MCM9: variants seen among roughly 807,000 people sequenced by gnomAD.
The protein encoded by MCM9 is minichromosome maintenance 9 homologous recombination repair factor.
A neutral mutation model predicts 72.8 loss-of-function variants in MCM9; 55 were observed. The observed-to-expected ratio is 0.76, with a 90% CI of 0.61 to 0.95. MCM9 has a LOEUF of 0.95. Among genes scored for constraint, MCM9 ranks in the 40% least tolerant of loss-of-function variants. MCM9 has a pLI of 0.00. For missense variants in MCM9, 1,279 were observed against 1,377.0 expected, an observed-to-expected ratio of 0.93 and a Z score of 1.13; for synonymous variants, 480 against 503.4, an observed-to-expected ratio of 0.95 and a Z score of 0.62.
chr6:118,824,053 T>A (rs1774000530), intron 13 of MCM9, among the ~76,000 whole-genome samples: 1 of 136,644 alleles, frequency 7.3e-6, no homozygotes, highest in Non-Finnish European at 1.6e-5. Flanking sequence ...TTTTTTTTTT[T>A]TTTTTTTTTT....
At chr6:118,933,983 A>AAAAAAAAAAAC in intron 1 of MCM9, among the ~76,000 whole-genome samples, 1 of 150,968 alleles carries the variant, frequency 6.6e-6, no homozygotes, top group African/African-American at 2.5e-5. Flanking sequence ...AAAAAAAAAA[A>AAAAAAAAAAAC]TCTGGACTCC....
At chr6:118,928,427 C>A (rs1314733926) in intron 3 of MCM9, among the ~76,000 whole-genome samples, 1 of 152,006 alleles carries the variant, frequency 6.6e-6, no homozygotes, top group Non-Finnish European at 1.5e-5. Flanking sequence ...ACAAAGAATA[C>A]AGACTCAAGC....
intron 9 of MCM9, among the ~76,000 whole-genome samples, chr6:118,842,708 A>C (rs1188928035): frequency 6.6e-6 from 1 of 152,100 alleles, no homozygotes; most frequent in African/African-American, 2.4e-5. Flanking sequence ...TTTGAAGAAA[A>C]GGGGTCTCAT....
intron 8 of MCM9, chr6:118,911,080 CTT>C (rs1780513254): frequency 1.0e-6 from 1 of 984,604 alleles, no homozygotes. Flanking sequence ...CCCTGGGTCA[CTT>C]TATTTATAAT....
chr6:118,833,848 T>G (rs1395905243), intron 9 of MCM9, among the ~76,000 whole-genome samples: 2 of 152,278 alleles, frequency 1.3e-5, no homozygotes, highest in East Asian at 1.9e-4. Flanking sequence ...AGAGTCCTGG[T>G]GATTGCTTGT....
At chr6:118,853,937 T>C (rs1776392867) in intron 9 of MCM9, among the ~76,000 whole-genome samples, 1 of 152,258 alleles carries the variant, frequency 6.6e-6, no homozygotes, top group Non-Finnish European at 1.5e-5. Flanking sequence ...CTTAATGTTT[T>C]GCAGTTTTTA....
intron 8 of MCM9, among the ~76,000 whole-genome samples, chr6:118,893,187 C>T (rs746089894): frequency 1.3e-5 from 2 of 152,188 alleles, no homozygotes; most frequent in Admixed American, 6.5e-5. Flanking sequence ...GCAGCATAAA[C>T]GAATCAACAT....
rs893291688 is a variant in MCM9 at position 118,934,011 on chromosome 6, G to A, written c.-150+880C>T. ...TGGACTCCCAACAGTGGCTACAAGA[G>A]AATCACTATGATTCTATTAAAGCAT... On this transcript the variant is annotated intron_variant, in intron 1 of 13. Transcript: ENST00000619706. Among the ~76,000 whole-genome samples the A allele has an allele frequency of 2.1e-5, 3 of 143,548 alleles. No homozygotes were observed. In the East Asian group the frequency reaches 6.0e-4, roughly 29 times the overall value. 94.2% of individuals were successfully genotyped at this position (143,548 alleles called of 152,430 possible). A position where few individuals can be genotyped will look rare whatever the true frequency, so the allele number is the denominator to read the frequency against.
chr6:118,874,267 T>C (rs1777798985), intron 8 of MCM9, among the ~76,000 whole-genome samples: 1 of 151,706 alleles, frequency 6.6e-6, no homozygotes, highest in African/African-American at 2.4e-5. Context: ...AAAAATAAAA[T>C]AAAAAATCAA....
rs1030456043 is a variant in MCM9 at position 118,867,493 on chromosome 6, G to A, written c.1151-10948C>T. Among the ~76,000 whole-genome samples the A allele has an allele frequency of 3.9e-5, 6 of 152,212 alleles. No individual in the cohort carries two copies. The East Asian group carries it at 7.7e-4, about 20-fold the overall frequency. On this transcript the variant is annotated intron_variant, in intron 8 of 13. Transcript: ENST00000619706. ...TAATCCAGCGCAACTTCCAGTCCTG[G>A]AAGCTTCATTCACAATAAGTACCCT... is the stretch of plus-strand genomic sequence containing the variant.
At chr6:118,872,318 C>CA (rs36127301) in intron 8 of MCM9, among the ~76,000 whole-genome samples, 135 of 140,062 alleles carry the variant, frequency 9.6e-4, no homozygotes, top group Non-Finnish European at 1.1e-3. Context: ...GACTCCATCT[C>CA]AAAAAAAAAA....
chr6:118,827,661 T>C (rs1266874520), intron 11 of MCM9, among the ~76,000 whole-genome samples: 3 of 151,878 alleles, frequency 2.0e-5, no homozygotes, highest in African/African-American at 7.2e-5. Flanking sequence ...AGTAAGGCTT[T>C]CTAAGTGAAT....
At chr6:118,874,706 A>T (rs1165253553) in intron 8 of MCM9, among the ~76,000 whole-genome samples, 1 of 152,280 alleles carries the variant, frequency 6.6e-6, no homozygotes, top group African/African-American at 2.4e-5. Flanking sequence ...TGAGAAAAAA[A>T]TACTCATGGA....
chr6:118,851,334 T>C (rs554929250), intron 9 of MCM9, among the ~76,000 whole-genome samples: 1 of 151,918 alleles, frequency 6.6e-6, no homozygotes, highest in South Asian at 2.1e-4. Context: ...ATAAGGTAAT[T>C]AGAAAATGTC....
chr6:118,922,728 G>A (rs1285194515), intron 4 of MCM9, among the ~76,000 whole-genome samples: 1 of 152,122 alleles, frequency 6.6e-6, no homozygotes, highest in East Asian at 1.9e-4. Flanking sequence ...CAGAAGAGAA[G>A]CCATGTATTA....
intron 13 of MCM9, among the ~76,000 whole-genome samples, chr6:118,824,027 A>C (rs1246672006): frequency 6.7e-6 from 1 of 148,312 alleles, no homozygotes; most frequent in Non-Finnish European, 1.5e-5. Context: ...ATCAATAAGC[A>C]AACCCACCTT....
At chr6:118,840,958 C>T (rs1050302496) in intron 9 of MCM9, among the ~76,000 whole-genome samples, 1 of 152,126 alleles carries the variant, frequency 6.6e-6, no homozygotes, top group Non-Finnish European at 1.5e-5. Context: ...TGGTCTTGAA[C>T]TCCTAGGCTT....
chr6:118,851,055 A>G (rs981685540), intron 9 of MCM9, among the ~76,000 whole-genome samples: 2 of 151,700 alleles, frequency 1.3e-5, no homozygotes, highest in Non-Finnish European at 2.9e-5. Flanking sequence ...TCCTGGGCTC[A>G]AGGGATCCTC....
chr6:118,823,946 A>G (rs965574688), intron 13 of MCM9, among the ~76,000 whole-genome samples: 1 of 151,684 alleles, frequency 6.6e-6, no homozygotes, highest in African/African-American at 2.4e-5. Flanking sequence ...TTACCTTTAT[A>G]ATCAGAAAAA....
Sources: gnomAD v4.1 joint callset for allele counts (sites outside exome capture counted in the v4.1 genomes callset) on GRCh38, gnomAD v4.1.1 for gene constraint, MANE v1.5 for transcripts, NCBI Gene and HGNC (gene_info 2026-07-23, HGNC 2026-07-21) for gene names.